The following TTLL2 variants were observed in gnomAD, a reference collection of about 807,000 sequenced individuals.
TTLL2 encodes tubulin tyrosine ligase like 2.
In TTLL2, 10 loss-of-function variants were observed where a neutral mutation model predicts 7.5. The observed-to-expected ratio is 1.33, with a 90% CI of 0.82 to 2.25. TTLL2 has a LOEUF of 2.25. Ranked by LOEUF, TTLL2 falls within the 30% of genes most tolerant of loss-of-function variation. TTLL2 has a pLI of 0.00. For missense variants in TTLL2, 733 were observed against 735.7 expected (o/e 1.00, Z 0.04); for synonymous variants, 284 against 280.3 (o/e 1.01, Z -0.13).
intron 1 of TTLL2, among the ~76,000 whole-genome samples, chr6:167,328,927 C>T (rs1778881866): frequency 6.6e-6 from 1 of 152,180 alleles, no homozygotes; most frequent in South Asian, 2.1e-4. Flanking sequence ...CACTCCCTTC[C>T]TGAACACTGG....
intron 1 of TTLL2, among the ~76,000 whole-genome samples, chr6:167,331,677 A>C (rs1409374753): frequency 1.3e-5 from 2 of 152,146 alleles, no homozygotes; most frequent in Non-Finnish European, 2.9e-5. Flanking sequence ...GTCCTTCTGG[A>C]TAGGTAGACA....
intron 1 of TTLL2, among the ~76,000 whole-genome samples, chr6:167,335,297 C>T (rs989025885): frequency 4.6e-5 from 7 of 150,996 alleles, no homozygotes; most frequent in Admixed American, 1.3e-4. Flanking sequence ...GTTAGAATGG[C>T]AATCATTAAA....
intron 1 of TTLL2, 22 bp downstream of exon 1, chr6:167,325,242 T>A: frequency 6.5e-7 from 1 of 1,539,486 alleles, no homozygotes; most frequent in Non-Finnish European, 8.8e-7. Flanking sequence ...AGGCGACACG[T>A]AGGATGGGAG....
At position 167,341,499 on chromosome 6, in the gene TTLL2, C is replaced by T. The variant is rs181443959; in HGVS notation, c.1599C>T (p.Cys533=). The change falls in exon 3 of 3, where the codon TGC becomes TGT. Residue 533 remains cysteine (C), a synonymous_variant. Coordinates refer to ENST00000239587, the MANE Select transcript of TTLL2 (RefSeq NM_031949.5). The part of the protein sequence containing the change: ...PYASLFQSHS[C]KTKTSPCVLS... ...CGTCCCTCTTCCAGTCGCACTCCTG[C>T]AAGACCAAGACCTCCCCGTGTGTCC... is the stretch of plus-strand genomic sequence containing the variant. 3 of 1,614,026 alleles carry T rather than the reference C, an allele frequency of 1.9e-6. No individual in the cohort carries two copies. The highest frequency in any genetic ancestry group is 1.7e-5 in the Admixed American group (1 of 60,010).
intron 1 of TTLL2, among the ~76,000 whole-genome samples, chr6:167,333,733 G>A: frequency 4.6e-5 from 2 of 43,576 alleles, no homozygotes; most frequent in African/African-American, 2.1e-4. Flanking sequence ...TTTGCGTAGA[G>A]GTGTTTGTAG....
intron 1 of TTLL2, among the ~76,000 whole-genome samples, chr6:167,331,089 G>C (rs532665474): frequency 4.6e-5 from 7 of 152,276 alleles, no homozygotes; most frequent in South Asian, 2.1e-4. Flanking sequence ...GTACAAATGA[G>C]TGTCATTTTC....
chr6:167,336,519 T>G (rs925334346), intron 1 of TTLL2, among the ~76,000 whole-genome samples: 3 of 152,048 alleles, frequency 2.0e-5, no homozygotes, highest in African/African-American at 7.3e-5. Flanking sequence ...GGGTCGTGGG[T>G]GGCATTGCTC....
chr6:167,339,303 C>T (rs745849965), intron 2 of TTLL2, among the ~76,000 whole-genome samples: 2 of 152,074 alleles, frequency 1.3e-5, no homozygotes, highest in South Asian at 2.1e-4. Flanking sequence ...GAGTCTTTGA[C>T]GTTTTTTACC....
chr6:167,339,281 C>T (rs1008725180), intron 2 of TTLL2, among the ~76,000 whole-genome samples: 2 of 152,082 alleles, frequency 1.3e-5, no homozygotes, highest in East Asian at 1.9e-4. Context: ...GACATATGTA[C>T]ATTTTTATCA....
chr6:167,339,792 C>T (rs73788609), intron 2 of TTLL2, among the ~76,000 whole-genome samples: 3,230 of 152,316 alleles, frequency 0.021, 131 homozygotes, highest in African/African-American at 0.074. Flanking sequence ...AGATATGGGT[C>T]TGCAGGGACT....
intron 1 of TTLL2, among the ~76,000 whole-genome samples, chr6:167,335,745 C>T (rs1778975836): frequency 6.7e-6 from 1 of 149,366 alleles, no homozygotes; most frequent in South Asian, 2.1e-4. Flanking sequence ...ACCACATATT[C>T]TCACTCATAG....
At chr6:167,335,207 A>G (rs1478177911) in intron 1 of TTLL2, among the ~76,000 whole-genome samples, 3 of 141,248 alleles carry the variant, frequency 2.1e-5, no homozygotes, top group Non-Finnish European at 3.0e-5. Flanking sequence ...GCAGCCAAAA[A>G]ACACATGAAA....
At chr6:167,325,947 C>T (rs984238915) in intron 1 of TTLL2, among the ~76,000 whole-genome samples, 2 of 152,174 alleles carry the variant, frequency 1.3e-5, no homozygotes, top group Non-Finnish European at 2.9e-5. Context: ...ACAGGCCGAA[C>T]AGCGGCCGAG....
At position 167,341,904 on chromosome 6, in the gene TTLL2, T is replaced by C; in HGVS notation, c.*225T>C. The C allele has an allele frequency of 1.9e-6, 1 of 530,618 alleles. No homozygotes were observed. Among genetic ancestry groups the C allele is most frequent in the Non-Finnish European group, 3.2e-6 (1 of 308,058 alleles). The allele number at this position is 530,618 out of a possible 1,614,324, so 32.9% of individuals were successfully genotyped here. A position where few individuals can be genotyped will look rare whatever the true frequency, so the allele number is the denominator to read the frequency against. On this transcript the variant is annotated 3_prime_UTR_variant, in exon 3 of 3. Transcript: ENST00000239587. The stretch of plus-strand genomic sequence containing the variant: ...TACATCCCATGTTTATTTGCTCAGG[T>C]GTCTTGAAAGAATTCTACAAATACC...
In TTLL2 at chr6:167,340,708, A is replaced by G. The variant is rs1779072589; in HGVS notation, c.808A>G (p.Ile270Val). The G allele has an allele frequency of 1.9e-6, 3 of 1,614,050 alleles. No individual in the cohort carries two copies. Among genetic ancestry groups the G allele is most frequent in the Admixed American group, 1.7e-5 (1 of 60,008 alleles). ...VCVTGFKPLT[I>V]YVYQEGLVRF... ...TGTTACTGGCTTTAAGCCTTTGACCATTTATGTTTATCAGGAAGGGTTGGT... is the reference window on the plus strand; with the variant it reads ...TGTTACTGGCTTTAAGCCTTTGACCGTTTATGTTTATCAGGAAGGGTTGGT... Residue 270 changes from isoleucine (I) to valine (V), a missense_variant, in exon 3 of 3, where the codon ATT (isoleucine) becomes GTT (valine). Coordinates refer to ENST00000239587, the MANE Select transcript of TTLL2 (RefSeq NM_031949.5).
At chr6:167,337,888 G>C (rs768931904) in intron 1 of TTLL2, among the ~76,000 whole-genome samples, 1 of 149,422 alleles carries the variant, frequency 6.7e-6, no homozygotes, top group Non-Finnish European at 1.5e-5. Flanking sequence ...AATATAAGCA[G>C]CATACACACA....
chr6:167,334,142 G>A lies in TTLL2; in HGVS notation c.48-4505G>A, dbSNP rs1280040088. ...CGTCCCAGAGATTCTGGTATGTTGT[G>A]TCTTTGTTCTCGTTGGTTTCAAAGA... On this transcript the variant is annotated intron_variant, in intron 1 of 2. Coordinates refer to ENST00000239587, the MANE Select transcript of TTLL2 (RefSeq NM_031949.5). Among the ~76,000 whole-genome samples, 1,038 of 112,588 alleles carry A rather than the reference G, an allele frequency of 9.2e-3. 1 individual carries two copies. The highest frequency in any genetic ancestry group is 0.021 in the African/African-American group (587 of 27,452). 73.9% of individuals were successfully genotyped at this position (112,588 alleles called of 152,430 possible).
At chr6:167,331,863 T>C (rs1398256092) in intron 1 of TTLL2, among the ~76,000 whole-genome samples, 1 of 152,188 alleles carries the variant, frequency 6.6e-6, no homozygotes, top group African/African-American at 2.4e-5. Context: ...CCGATTTCTA[T>C]ACGCCGCTTT....
At chr6:167,325,802 A>G (rs937583271) in intron 1 of TTLL2, among the ~76,000 whole-genome samples, 1 of 151,550 alleles carries the variant, frequency 6.6e-6, no homozygotes, top group African/African-American at 2.4e-5. Flanking sequence ...AGGAGTGGGC[A>G]TTCATGCTGG....
Sources: gnomAD v4.1 joint callset for allele counts (sites outside exome capture counted in the v4.1 genomes callset) on GRCh38, gnomAD v4.1.1 for gene constraint, MANE v1.5 for transcripts, NCBI Gene and HGNC (gene_info 2026-07-23, HGNC 2026-07-21) for gene names.